Variants in TOMT observed in about 807,000 individuals in gnomAD.
TOMT encodes transmembrane O-methyltransferase.
In TOMT, 23 loss-of-function variants were observed where a neutral mutation model predicts 21.7. The ratio of observed to expected loss-of-function variants is 1.06; its 90% CI spans 0.76 to 1.50. TOMT has a LOEUF of 1.50. Among genes scored for constraint, TOMT ranks in the 40% most tolerant of loss-of-function variants. TOMT has a pLI of 0.00. For missense variants in TOMT, 331 were observed against 348.7 expected (o/e 0.95, Z 0.41); for synonymous variants, 132 against 150.8 (o/e 0.88, Z 0.91).
chr11:72,108,147 T>A (rs1434060772), intron 2 of TOMT, 28 bp downstream of exon 2: 2 of 1,470,188 alleles, frequency 1.4e-6, no homozygotes, highest in South Asian at 1.4e-5. Flanking sequence ...CCAACCCAGA[T>A]TTTTGTCACC....
chr11:72,106,258 G>A lies in TOMT; in HGVS notation c.259+48G>A, dbSNP rs1282998356. The A allele has an allele frequency of 6.4e-6, 9 of 1,402,810 alleles. No homozygotes were observed. In the South Asian group the frequency reaches 1.5e-4, roughly 23 times the overall value. 86.9% of individuals were successfully genotyped at this position (1,402,810 alleles called of 1,614,324 possible). The stretch of plus-strand genomic sequence containing the variant: ...CTCCAAGAAGTACCCCCAAGACAGT[G>A]AAGGAATATTTGGGATCTGTTGCTG... On this transcript the variant is annotated intron_variant, in intron 1 of 2. Transcript: ENST00000541899.
In TOMT at chr11:72,107,904, C is replaced by T. The variant is rs991052462; in HGVS notation, c.260-19C>T. On this transcript the variant is annotated intron_variant, in intron 1 of 2. Transcript: ENST00000541899. The stretch of plus-strand genomic sequence containing the variant: ...CATCCATCTCCCATGTCTTCTGCAA[C>T]AGCCATCTCCCCTCATAGGTCAGAT... 3.9e-6 allele frequency: 6 copies of T among 1,551,372 alleles called. No homozygotes were observed. Among genetic ancestry groups the T allele is most frequent in the South Asian group, 3.6e-5 (3 of 84,058 alleles).
intron 1 of TOMT, 132 bp downstream of exon 1, chr11:72,106,342 A>C: frequency 1.0e-6 from 1 of 983,092 alleles, no homozygotes. Flanking sequence ...TTTTTTTCTC[A>C]TCTGGAAATG....
chr11:72,108,404 C>T (rs146614090), intron 2 of TOMT, among the ~76,000 whole-genome samples: 79 of 152,358 alleles, frequency 5.2e-4, no homozygotes, highest in African/African-American at 1.9e-3. Flanking sequence ...GCAAAGCATG[C>T]ATCCTCTGAA....
At chr11:72,109,112 G>A (rs1047263308) in exon 3 of TOMT, 2 of 601,764 alleles carry the variant, frequency 3.3e-6, no homozygotes, top group Non-Finnish European at 5.8e-6. Flanking sequence ...CTATCAGGCT[G>A]CTTGGTCTCA....
chr11:72,107,222 A>G, intron 1 of TOMT: 1 of 558,976 alleles, frequency 1.8e-6, no homozygotes, highest in South Asian at 2.3e-5. Context: ...AGCCGTGATC[A>G]TGCTACTGCA....
chr11:72,108,906 C>G (rs1410902812), exon 3 of TOMT: 1 of 1,544,724 alleles, frequency 6.5e-7, no homozygotes, highest in East Asian at 2.4e-5. Context: ...GCTCAGCTCA[C>G]CTATGCTGGA....
chr11:72,107,941 T>A, exon 2 of TOMT: 1 of 1,551,716 alleles, frequency 6.4e-7, no homozygotes, highest in Non-Finnish European at 8.7e-7. Flanking sequence ...CTGATGCGGC[T>A]GGTGGAGGAG....
Position 72,107,972 on chromosome 11 carries a change from G to A in TOMT, c.309G>A (p.Leu103=), listed in dbSNP as rs544680153. ...AGGAGAAGGCCCCTGCTTGTGTGCT[G>A]GAATTGGGAACCTACTGTGGATACT... Residue 103 remains leucine (L), a synonymous_variant, in exon 2 of 3, where the codon CTG becomes CTA. Coordinates refer to ENST00000541899, the Ensembl canonical transcript of TOMT. 14 of 1,551,698 alleles carry A rather than the reference G, an allele frequency of 9.0e-6. No individual in the cohort carries two copies. In the African/African-American group the frequency reaches 1.8e-4, roughly 20 times the overall value.
chr11:72,109,173 A>G (rs1946069493), exon 3 of TOMT: 1 of 531,112 alleles, frequency 1.9e-6, no homozygotes, highest in Non-Finnish European at 3.4e-6. Flanking sequence ...AAGAAGCCTG[A>G]GCTCCCGACC....
Position 72,107,938 on chromosome 11 carries a change from G to A in TOMT, c.275G>A (p.Arg92Gln), listed in dbSNP as rs572570513. Residue 92 changes from arginine (R) to glutamine (Q), a missense_variant, in exon 2 of 3, where the codon CGG (arginine) becomes CAG (glutamine). Coordinates refer to ENST00000541899, the Ensembl canonical transcript of TOMT. ...CCCCTCATAGGTCAGATCCTGATGC[G>A]GCTGGTGGAGGAGAAGGCCCCTGCT... 4.9e-5 allele frequency: 76 copies of A among 1,551,650 alleles called. No homozygotes were observed. The highest frequency in any genetic ancestry group is 3.6e-4 in the African/African-American group (26 of 73,136).
exon 3 of TOMT, chr11:72,108,989 A>C: frequency 2.2e-6 from 3 of 1,361,714 alleles, no homozygotes; most frequent in Non-Finnish European, 2.9e-6. Flanking sequence ...GGACCTCAAA[A>C]TCCCCTCCCT....
At chr11:72,107,146 G>C (rs918565644) in intron 1 of TOMT, 7 of 410,678 alleles carry the variant, frequency 1.7e-5, no homozygotes, top group African/African-American at 1.5e-4. Context: ...GAGTAACTGT[G>C]GTTCCAGCTA....
intron 1 of TOMT, chr11:72,107,371 A>G (rs1236893079): frequency 1.5e-6 from 1 of 667,488 alleles, no homozygotes; most frequent in South Asian, 1.6e-5. Flanking sequence ...CCTTTCATAA[A>G]TCTGAAAGAT....
At position 72,106,073 on chromosome 11, in the gene TOMT, C is replaced by G; in HGVS notation, c.122C>G (p.Ser41Ter). Residue 41 changes from serine (S) to a stop codon, truncating the protein, a stop_gained, in exon 1 of 3, where the codon TCA (serine) becomes TGA (stop). Coordinates refer to ENST00000541899, the Ensembl canonical transcript of TOMT. LOFTEE classifies it high-confidence loss of function. Reference sequence around the variant, plus strand: ...CTGCGAAGCCTCCGAGACTGCCTGTCAGGGCTGCGGATCGAGGAGCGGGCC... The same window carrying G: ...CTGCGAAGCCTCCGAGACTGCCTGTGAGGGCTGCGGATCGAGGAGCGGGCC... 1 of 1,550,562 alleles carries G rather than the reference C, an allele frequency of 6.4e-7. No individual in the cohort carries two copies. The highest frequency in any genetic ancestry group is 1.2e-5 in the South Asian group (1 of 84,062).
chr11:72,106,940 CAAAAAAAAAAA>C (rs34155157), intron 1 of TOMT: 2 of 82,470 alleles, frequency 2.4e-5, no homozygotes, highest in African/African-American at 7.7e-5. Context: ...GAACCTGTCT[CAAAAAAAAAAA>C]AAAAAAGAAA....
chr11:72,107,865 T>C (rs1056732099), intron 1 of TOMT, 58 bp from the exon 2 acceptor site: 7 of 1,538,622 alleles, frequency 4.5e-6, no homozygotes, highest in Middle Eastern at 1.7e-4. Flanking sequence ...AGATATCTTT[T>C]ATCAGGGGCC....
exon 2 of TOMT, chr11:72,107,977 T>C (rs1472049145): frequency 1.3e-6 from 2 of 1,551,618 alleles, no homozygotes. Context: ...GTGCTGGAAT[T>C]GGGAACCTAC....
rs200149461 is a variant in TOMT, at chr11:72,107,944, T to C, written c.281T>C (p.Val94Ala). Residue 94 changes from valine (V) to alanine (A), a missense_variant, in exon 2 of 3, where the codon GTG becomes GCG. Coordinates refer to ENST00000541899, the Ensembl canonical transcript of TOMT. ...ATAGGTCAGATCCTGATGCGGCTGG[T>C]GGAGGAGAAGGCCCCTGCTTGTGTG... 5.2e-6 allele frequency: 8 copies of C among 1,551,282 alleles called. No homozygotes were observed. Among genetic ancestry groups the C allele is most frequent in the Non-Finnish European group, 5.2e-6 (6 of 1,146,908 alleles).
Sources: allele counts gnomAD v4.1 joint callset (sites outside exome capture counted in the v4.1 genomes callset), GRCh38; gene constraint gnomAD v4.1.1; transcripts MANE v1.5; gene names NCBI Gene and HGNC (gene_info 2026-07-23, HGNC 2026-07-21).